Variants in DNAJB6 observed in about 807,000 individuals in gnomAD.
DNAJB6 encodes dnaJ homolog subfamily B member 6.
Under a neutral mutation model 42.7 loss-of-function variants are expected in DNAJB6, and 16 were observed. The observed-to-expected ratio is 0.37, with a 90% CI of 0.25 to 0.57. The LOEUF (loss-of-function observed/expected upper bound fraction) is 0.57, where lower values mean the gene tolerates loss of function less well. Among genes scored for constraint, DNAJB6 ranks in the 20% least tolerant of loss-of-function variants. DNAJB6 has a pLI of 0.74. For synonymous variants in DNAJB6, 170 were observed against 163.5 expected, an observed-to-expected ratio of 1.04 and a Z score of -0.30; for missense variants, 347 against 416.8, an observed-to-expected ratio of 0.83 and a Z score of 1.46.
At chr7:157,388,277 C>G (rs754395374) in intron 8 of DNAJB6, among the ~76,000 whole-genome samples, 1 of 152,166 alleles carries the variant, frequency 6.6e-6, no homozygotes, top group Admixed American at 6.5e-5. Flanking sequence ...AAGTTTATTC[C>G]TAGAGAATTC....
chr7:157,401,388 T>C (rs1309685303), intron 8 of DNAJB6, among the ~76,000 whole-genome samples: 1 of 152,148 alleles, frequency 6.6e-6, no homozygotes, highest in Non-Finnish European at 1.5e-5. Flanking sequence ...GCTAATTTTG[T>C]ATTTTTAGTA....
At chr7:157,371,891 A>T (rs1800227423) in intron 5 of DNAJB6, among the ~76,000 whole-genome samples, 1 of 152,184 alleles carries the variant, frequency 6.6e-6, no homozygotes. Flanking sequence ...CATTTTATTT[A>T]TATTCTTGGA....
At chr7:157,399,147 C>T (rs759542175) in intron 8 of DNAJB6, among the ~76,000 whole-genome samples, 2 of 152,134 alleles carry the variant, frequency 1.3e-5, no homozygotes, top group Non-Finnish European at 2.9e-5. Flanking sequence ...GTAGAAGTTC[C>T]GCTGACAAGT....
intron 1 of DNAJB6, among the ~76,000 whole-genome samples, chr7:157,343,349 A>G (rs1268163698): frequency 6.6e-6 from 1 of 151,932 alleles, no homozygotes; most frequent in African/African-American, 2.4e-5. Flanking sequence ...TAGTAGAGAA[A>G]GGGGTTTGCC....
At chr7:157,361,216 T>C (rs1016115858) in intron 2 of DNAJB6, among the ~76,000 whole-genome samples, 3 of 151,716 alleles carry the variant, frequency 2.0e-5, no homozygotes, top group Admixed American at 2.0e-4. Flanking sequence ...TGGAGTTCAA[T>C]GGCGTGATCT....
intron 2 of DNAJB6, among the ~76,000 whole-genome samples, chr7:157,361,279 C>G (rs1402287584): frequency 6.6e-6 from 1 of 151,946 alleles, no homozygotes; most frequent in Non-Finnish European, 1.5e-5. Flanking sequence ...CTGCCTTAGC[C>G]TCCCGAGTAG....
chr7:157,389,124 G>T (rs369063240), intron 8 of DNAJB6, among the ~76,000 whole-genome samples: 14 of 152,166 alleles, frequency 9.2e-5, no homozygotes, highest in African/African-American at 3.4e-4. Flanking sequence ...ATGTGGAAAC[G>T]CTTGAGGAAC....
Position 157,351,176 on chromosome 7 carries a change from C to T in DNAJB6, c.-26-7371C>T, listed in dbSNP as rs186474476. Among the ~76,000 whole-genome samples, 654 of 151,988 alleles carry T rather than the reference C, an allele frequency of 4.3e-3. 5 individuals are homozygous for T. The highest frequency in any genetic ancestry group is 0.015 in the African/African-American group (621 of 41,432). On this transcript the variant is annotated intron_variant, in intron 1 of 9. Transcript: ENST00000262177. ...CTCGAACTCTCTACCTCAGGTGATCCGCCCCCCTCAGCCTGAGCCACCATA... is the reference window on the plus strand; with the variant it reads ...CTCGAACTCTCTACCTCAGGTGATCTGCCCCCCTCAGCCTGAGCCACCATA...
intron 1 of DNAJB6, among the ~76,000 whole-genome samples, chr7:157,357,276 G>A (rs12672901): frequency 6.7e-5 from 2 of 29,844 alleles, no homozygotes; most frequent in East Asian, 2.3e-3. Flanking sequence ...CCTTCCTTCC[G>A]TCCTTCCTTC....
rs191574105 is a variant in DNAJB6 at position 157,354,525 on chromosome 7, C to T, written c.-26-4022C>T. Among the ~76,000 whole-genome samples the T allele has an allele frequency of 6.6e-5, 10 of 152,046 alleles. No individual in the cohort carries two copies. In the East Asian group the frequency reaches 1.9e-3, roughly 29 times the overall value. ...AGACAGGTCTCGCTCTCACCCCAAGCTGGAGTGCTGTGGCACGCTTTCGAA... is the reference window on the plus strand; with the variant it reads ...AGACAGGTCTCGCTCTCACCCCAAGTTGGAGTGCTGTGGCACGCTTTCGAA... On this transcript the variant is annotated intron_variant, in intron 1 of 9. Transcript: ENST00000262177.
At chr7:157,384,498 T>G (rs559339191) in intron 6 of DNAJB6, among the ~76,000 whole-genome samples, 3 of 152,308 alleles carry the variant, frequency 2.0e-5, no homozygotes, top group African/African-American at 7.2e-5. Context: ...AATACTGGTC[T>G]CGGTTCCAGA....
chr7:157,354,530 G>T (rs978617090), intron 1 of DNAJB6, among the ~76,000 whole-genome samples: 2 of 151,930 alleles, frequency 1.3e-5, no homozygotes, highest in Non-Finnish European at 2.9e-5. Context: ...CCAAGCTGGA[G>T]TGCTGTGGCA....
intron 6 of DNAJB6, 30 bp from the exon 7 acceptor site, chr7:157,384,837 T>C (rs773317457): frequency 5.6e-6 from 9 of 1,601,340 alleles, no homozygotes; most frequent in South Asian, 2.2e-5. Flanking sequence ...CATATTTCTT[T>C]AAGCATTTTT....
rs1417545858 is a variant in DNAJB6, at chr7:157,359,733, T to C, written c.65+1096T>C. Among the ~76,000 whole-genome samples the C allele has an allele frequency of 2.0e-5, 3 of 152,298 alleles. No homozygotes were observed. The South Asian group carries it at 6.2e-4, about 32-fold the overall frequency. ...GCTCCAGAGGCTGAGGCAGGAGAAT[T>C]GCTTGAGCCCAGGAGGTTGAGGCTG... is the stretch of plus-strand genomic sequence containing the variant. On this transcript the variant is annotated intron_variant, in intron 2 of 9. Transcript: ENST00000262177.
At chr7:157,404,572 G>A (rs1056126013) in intron 8 of DNAJB6, among the ~76,000 whole-genome samples, 2 of 146,314 alleles carry the variant, frequency 1.4e-5, no homozygotes, top group South Asian at 4.3e-4. Context: ...GTGCAGTGGT[G>A]CAATCTTGGC....
chr7:157,348,709 T>TA (rs1798815456), intron 1 of DNAJB6, among the ~76,000 whole-genome samples: 1 of 152,188 alleles, frequency 6.6e-6, no homozygotes, highest in Non-Finnish European at 1.5e-5. Context: ...CTCTTCTACT[T>TA]ACAGTGGAAG....
At position 157,385,617 on chromosome 7, in the gene DNAJB6, G is replaced by A. The variant is rs1801014376; in HGVS notation, c.691+6G>A. On this transcript the variant is annotated splice_donor_region_variant and intron_variant, in intron 8 of 9. Coordinates refer to ENST00000262177, the MANE Select transcript of DNAJB6 (RefSeq NM_058246.4). ...AAAGTCCTTAACAATAAATGGTAAGGAGCAGCTGCTGCGCTTGGATAACAA... is the reference window on the plus strand; with the variant it reads ...AAAGTCCTTAACAATAAATGGTAAGAAGCAGCTGCTGCGCTTGGATAACAA... 2.5e-6 allele frequency: 4 copies of A among 1,613,816 alleles called. No individual in the cohort carries two copies. The East Asian group carries it at 8.9e-5, about 36-fold the overall frequency.
intron 5 of DNAJB6, among the ~76,000 whole-genome samples, chr7:157,374,100 G>A (rs1035603877): frequency 6.6e-6 from 1 of 151,330 alleles, no homozygotes; most frequent in African/African-American, 2.4e-5. Flanking sequence ...CCATCCTTGT[G>A]TGTAATTTCA....
intron 5 of DNAJB6, among the ~76,000 whole-genome samples, chr7:157,369,644 C>CACATTATTATTAAACAGGCCCCTTCTTA (rs1376915733): frequency 7.7e-5 from 11 of 142,844 alleles, no homozygotes; most frequent in Admixed American, 2.7e-4. Context: ...GCCCTTTCTT[C>CACATTATTATTAAACAGGCCCCTTCTTA]ACATTATTAT....
Sources: allele counts gnomAD v4.1 joint callset (sites outside exome capture counted in the v4.1 genomes callset), GRCh38; gene constraint gnomAD v4.1.1; transcripts MANE v1.5; gene names NCBI Gene and HGNC (gene_info 2026-07-23, HGNC 2026-07-21).